BAZ1A: variants seen among roughly 807,000 people sequenced by gnomAD.
BAZ1A encodes bromodomain adjacent to zinc finger domain protein 1A.
A neutral mutation model predicts 185.2 loss-of-function variants in BAZ1A; 50 were observed. The ratio of observed to expected loss-of-function variants is 0.27; its 90% CI spans 0.22 to 0.34. The LOEUF (loss-of-function observed/expected upper bound fraction) is 0.34, where lower values mean the gene tolerates loss of function less well. Ranked by LOEUF, BAZ1A falls within the 10% of genes least tolerant of loss-of-function variation. The pLI is 1.00. For missense variants in BAZ1A, 1,356 were observed against 1,839.9 expected (o/e 0.74, Z 4.81); for synonymous variants, 571 against 615.6 (o/e 0.93, Z 1.07).
chr14:34,840,760 C>G (rs1230985067), intron 3 of BAZ1A, among the ~76,000 whole-genome samples: 1 of 131,962 alleles, frequency 7.6e-6, no homozygotes, highest in Non-Finnish European at 1.7e-5. Flanking sequence ...CTGTCTCCCC[C>G]CCAAAAACAA....
intron 14 of BAZ1A, among the ~76,000 whole-genome samples, chr14:34,784,774 T>G (rs1174232693): frequency 6.6e-6 from 1 of 152,012 alleles, no homozygotes; most frequent in African/African-American, 2.4e-5. Context: ...CGCCTCAGCC[T>G]CCCAAAGTAC....
chr14:34,772,950 C>T (rs886289701), intron 20 of BAZ1A, among the ~76,000 whole-genome samples: 4 of 152,132 alleles, frequency 2.6e-5, no homozygotes, highest in Non-Finnish European at 4.4e-5. Flanking sequence ...ATTGCTTGAA[C>T]CAGGGAGTAG....
At chr14:34,786,262 C>T (rs1261334269) in intron 12 of BAZ1A, 41 bp from the exon 13 acceptor site, 1 of 1,547,556 alleles carries the variant, frequency 6.5e-7, no homozygotes, top group Non-Finnish European at 8.8e-7. Flanking sequence ...CAAATCAAAG[C>T]TTGAATATTT....
chr14:34,812,247 A>T (rs1338824808), intron 4 of BAZ1A, among the ~76,000 whole-genome samples: 2 of 152,132 alleles, frequency 1.3e-5, no homozygotes, highest in African/African-American at 4.8e-5. Context: ...GGAACAAAAA[A>T]AAGGGAGCAA....
At chr14:34,811,497 G>A (rs921740498) in intron 4 of BAZ1A, among the ~76,000 whole-genome samples, 3 of 151,576 alleles carry the variant, frequency 2.0e-5, no homozygotes, top group Non-Finnish European at 4.4e-5. Flanking sequence ...GTCTCGCCTT[G>A]TCACCCAGGC....
intron 9 of BAZ1A, among the ~76,000 whole-genome samples, chr14:34,797,655 TC>T (rs1459192619): frequency 6.6e-6 from 1 of 152,234 alleles, no homozygotes; most frequent in Non-Finnish European, 1.5e-5. Context: ...ATATTAGACT[TC>T]CTGCACCACC....
rs1225939081 is a variant in BAZ1A, at chr14:34,784,367, C to CCAAAAAAAAAAAAAAAAAAAAAAA, written c.1832-441_1832-440insTTTTTTTTTTTTTTTTTTTTTTTG. 4.1e-4 allele frequency among the ~76,000 whole-genome samples: 32 copies of CCAAAAAAAAAAAAAAAAAAAAAAA among 77,176 alleles called. 6 individuals are homozygous for CCAAAAAAAAAAAAAAAAAAAAAAA. Among genetic ancestry groups the CCAAAAAAAAAAAAAAAAAAAAAAA allele is most frequent in the African/African-American group, 7.9e-4 (13 of 16,420 alleles). The allele number at this position is 77,176 out of a possible 152,430, so 50.6% of individuals were successfully genotyped here. ...TGGGCAACTGAGTGAGACTCTGTCT[C>CCAAAAAAAAAAAAAAAAAAAAAAA]AAAAAAAAAAAAAAAAAAAAAAAAA... On this transcript the variant is annotated intron_variant, in intron 14 of 26. Transcript: ENST00000360310.
chr14:34,873,259 G>C (rs1410422875), intron 2 of BAZ1A, among the ~76,000 whole-genome samples: 1 of 152,144 alleles, frequency 6.6e-6, no homozygotes. Flanking sequence ...CCTTACACGC[G>C]ACGTTACTTG....
chr14:34,857,210 G>T (rs2042696640), intron 3 of BAZ1A, among the ~76,000 whole-genome samples: 1 of 152,012 alleles, frequency 6.6e-6, no homozygotes, highest in Non-Finnish European at 1.5e-5. Flanking sequence ...GTTTCACCGT[G>T]TTAGCCAGGA....
chr14:34,849,066 G>A (rs2042558881), intron 3 of BAZ1A, among the ~76,000 whole-genome samples: 1 of 152,208 alleles, frequency 6.6e-6, no homozygotes, highest in African/African-American at 2.4e-5. Flanking sequence ...TCAGGAGGCT[G>A]AGGCAGATCG....
At chr14:34,844,777 GCACACACACACACACA>G (rs4007479) in intron 3 of BAZ1A, among the ~76,000 whole-genome samples, 1 of 86,804 alleles carries the variant, frequency 1.2e-5, no homozygotes, top group Non-Finnish European at 2.9e-5. Flanking sequence ...ACACACACGC[GCACACACACACACACA>G]CACACACACA....
At chr14:34,871,889 A>G (rs1311481157) in intron 2 of BAZ1A, among the ~76,000 whole-genome samples, 1 of 152,208 alleles carries the variant, frequency 6.6e-6, no homozygotes, top group Non-Finnish European at 1.5e-5. Flanking sequence ...AGCAGCCTGC[A>G]GAGGTTTCCG....
At chr14:34,832,207 C>CATATATATATAT (rs2042254467) in intron 3 of BAZ1A, among the ~76,000 whole-genome samples, 1 of 67,536 alleles carries the variant, frequency 1.5e-5, no homozygotes, top group African/African-American at 4.9e-5. Flanking sequence ...CACACACACA[C>CATATATATATAT]ACACACACAT....
intron 4 of BAZ1A, among the ~76,000 whole-genome samples, chr14:34,820,125 T>TTTG (rs1309247970): frequency 7.6e-6 from 1 of 132,432 alleles, no homozygotes; most frequent in African/African-American, 2.9e-5. Flanking sequence ...GTTCCTCGTT[T>TTTG]TTTTTTTTTT....
At chr14:34,815,237 A>G (rs2041989048) in intron 4 of BAZ1A, among the ~76,000 whole-genome samples, 1 of 152,212 alleles carries the variant, frequency 6.6e-6, no homozygotes, top group African/African-American at 2.4e-5. Flanking sequence ...TTTGCTATCT[A>G]TAATACTTAT....
In BAZ1A at chr14:34,762,190, C is replaced by A. The variant is rs1385011935; in HGVS notation, c.3810G>T (p.Leu1270Phe). ...TAAGTTTCCCTCTTGTTTTAACTGG[C>A]AATCTAACTTGTGGTCTTCCTCGTT... ...LPKRGRPQVRLPVKTRGKLSS... is the reference protein window; with the variant it reads ...LPKRGRPQVRFPVKTRGKLSS... The change falls in exon 24 of 27, where the codon TTG (leucine) becomes TTT (phenylalanine). Residue 1270 changes from leucine to phenylalanine, a missense_variant. Physicochemically the swap from Leu to Phe is conservative, Grantham distance 22. Around this residue, in one of 7 missense-constraint regions of BAZ1A, gnomAD observed 309 missense variants for 355.3 expected, o/e 0.87. Coordinates refer to ENST00000360310, the MANE Select transcript of BAZ1A (RefSeq NM_013448.3). The A allele has an allele frequency of 1.9e-6, 3 of 1,614,002 alleles. No individual in the cohort carries two copies. Among genetic ancestry groups the A allele is most frequent in the Non-Finnish European group, 2.5e-6 (3 of 1,180,014 alleles).
At chr14:34,865,756 A>G (rs143801228) in intron 2 of BAZ1A, among the ~76,000 whole-genome samples, 1 of 152,232 alleles carries the variant, frequency 6.6e-6, no homozygotes, top group Non-Finnish European at 1.5e-5. Flanking sequence ...TCAAAAATAC[A>G]AAGTAAAAAG....
intron 3 of BAZ1A, among the ~76,000 whole-genome samples, chr14:34,833,690 A>G (rs1172454942): frequency 3.9e-5 from 6 of 152,124 alleles, no homozygotes; most frequent in African/African-American, 1.4e-4. Flanking sequence ...AGCTGGGGGA[A>G]GGATAGAATG....
At chr14:34,839,830 CCT>C (rs1289084685) in intron 3 of BAZ1A, among the ~76,000 whole-genome samples, 2 of 96,728 alleles carry the variant, frequency 2.1e-5, no homozygotes, top group African/African-American at 3.8e-5. Flanking sequence ...ACAAAGCGAG[CCT>C]CTGTTTCAAA....
Sources: gnomAD v4.1 joint callset for allele counts (sites outside exome capture counted in the v4.1 genomes callset) on GRCh38, gnomAD v4.1.1 for gene constraint, gnomAD v4.1.1 regional missense constraint, MANE v1.5 for transcripts, NCBI Gene and HGNC (gene_info 2026-07-23, HGNC 2026-07-21) for gene names.